Variants in CEP164 observed in about 807,000 individuals in gnomAD.
The protein encoded by CEP164 is centrosomal protein 164.
CEP164 carries 162 observed loss-of-function variants against 182.7 expected under a neutral mutation model. That is an observed-to-expected ratio of 0.89 (90% CI 0.78 to 1.01). The LOEUF is 1.01. Among genes scored for constraint, CEP164 ranks in the 50% least tolerant of loss-of-function variants. The pLI is 0.00. For synonymous variants in CEP164, 661 were observed against 690.0 expected, an observed-to-expected ratio of 0.96 and a Z score of 0.66; for missense variants, 1,735 against 1,790.4, an observed-to-expected ratio of 0.97 and a Z score of 0.56.
intron 12 of CEP164, 74 bp downstream of exon 12, chr11:117,380,779 T>G: frequency 7.1e-7 from 1 of 1,404,710 alleles, no homozygotes. Flanking sequence ...TTCTTGGCTT[T>G]GGTGGCCGGC....
intron 5 of CEP164, among the ~76,000 whole-genome samples, chr11:117,361,404 C>G (rs2040955055): frequency 2.0e-5 from 3 of 151,116 alleles, no homozygotes; most frequent in Non-Finnish European, 4.4e-5. Context: ...CCACGCCCGG[C>G]TAATTTTTGT....
intron 5 of CEP164, 46 bp from the exon 6 acceptor site, chr11:117,361,789 G>A: frequency 6.2e-7 from 1 of 1,609,474 alleles, no homozygotes. Context: ...CACTCCCAGA[G>A]CCACCTGGTT....
Position 117,397,249 on chromosome 11 carries a change from A to C in CEP164, c.3437A>C (p.Gln1146Pro), listed in dbSNP as rs759230987. Reference protein sequence around the residue: ...QHWRHELASAQEVAKDPPGIK... With the variant: ...QHWRHELASAPEVAKDPPGIK... Reference sequence around the variant, plus strand: ...TGGCGCCATGAGCTGGCCAGTGCGCAGGAGGTGGCCAAAGACCCACCAGGC... The same window carrying C: ...TGGCGCCATGAGCTGGCCAGTGCGCCGGAGGTGGCCAAAGACCCACCAGGC... The change falls in exon 27 of 33, where the codon CAG becomes CCG. Residue 1146 changes from glutamine to proline, a missense_variant. By Grantham distance (76) the Gln-to-Pro change is moderately conservative (BLOSUM62 -1). Transcript: ENST00000278935. 2.5e-6 allele frequency: 4 copies of C among 1,614,202 alleles called. No individual in the cohort carries two copies. The highest frequency in any genetic ancestry group is 2.7e-5 in the African/African-American group (2 of 75,074).
In CEP164 at chr11:117,397,118, C is replaced by G. The variant is rs1202671874; in HGVS notation, c.3306C>G (p.Leu1102=). Residue 1102 remains leucine (L), a synonymous_variant, in exon 27 of 33, where the codon CTC becomes CTG. Coordinates refer to ENST00000278935, the MANE Select transcript of CEP164 (RefSeq NM_014956.5). ...DSLSSHNVWH[L]LSAEGVALRS... is the part of the protein sequence containing the mutation. ...TGTCCTCCCACAATGTCTGGCACCT[C>G]CTCTCTGCTGAGGGGGTAGCCCTCC... 2 of 1,614,164 alleles carry G rather than the reference C, an allele frequency of 1.2e-6. No homozygotes were observed. Among genetic ancestry groups the G allele is most frequent in the Non-Finnish European group, 1.7e-6 (2 of 1,180,002 alleles).
chr11:117,330,447 G>A lies in CEP164; in HGVS notation c.-98+2543G>A, dbSNP rs780920215. ...GCGGGCGGATCACCTGAGGTCAGGAGTTCGAGACTTGGCCAACATGGTGAA... is the reference window on the plus strand; with the variant it reads ...GCGGGCGGATCACCTGAGGTCAGGAATTCGAGACTTGGCCAACATGGTGAA... On this transcript the variant is annotated intron_variant, in intron 1 of 32. Transcript: ENST00000278935. 4.6e-5 allele frequency among the ~76,000 whole-genome samples: 7 copies of A among 152,182 alleles called. No individual in the cohort carries two copies. The South Asian group carries it at 6.2e-4, about 13-fold the overall frequency.
intron 5 of CEP164, chr11:117,355,306 A>G (rs1402640112): frequency 3.1e-6 from 4 of 1,289,750 alleles, no homozygotes; most frequent in South Asian, 2.5e-5. Flanking sequence ...ATCCTGAAAC[A>G]GAAGAGCTGG....
intron 8 of CEP164, among the ~76,000 whole-genome samples, 166 bp downstream of exon 8, chr11:117,363,672 A>G (rs896896553): frequency 2.0e-5 from 3 of 151,226 alleles, no homozygotes; most frequent in Non-Finnish European, 4.4e-5. Context: ...GAATAAATGA[A>G]TGGATTCCTG....
chr11:117,377,174 G>C (rs936148408), intron 11 of CEP164, among the ~76,000 whole-genome samples: 1 of 105,824 alleles, frequency 9.4e-6, no homozygotes, highest in Non-Finnish European at 1.9e-5. Flanking sequence ...CAGTTTCTTG[G>C]AAGACAGTTT....
chr11:117,365,587 C>CT (rs1565496047), intron 8 of CEP164, among the ~76,000 whole-genome samples: 1 of 151,720 alleles, frequency 6.6e-6, no homozygotes, highest in Non-Finnish European at 1.5e-5. Flanking sequence ...TTCTTTCTTT[C>CT]TTTTTTTTAG....
At chr11:117,366,060 C>G (rs1400222306) in intron 8 of CEP164, among the ~76,000 whole-genome samples, 1 of 151,978 alleles carries the variant, frequency 6.6e-6, no homozygotes, top group African/African-American at 2.4e-5. Context: ...AGCATCCCCG[C>G]AGATTTAGTT....
At chr11:117,325,879 T>C (rs1004501509), upstream of CEP164, among the ~76,000 whole-genome samples, 5 of 151,022 alleles carry the variant, frequency 3.3e-5, no homozygotes, top group African/African-American at 9.7e-5. Flanking sequence ...GGTATACACA[T>C]GCCATAGAGG....
At chr11:117,401,143 T>A (rs1471812511) in intron 27 of CEP164, among the ~76,000 whole-genome samples, 1 of 152,236 alleles carries the variant, frequency 6.6e-6, no homozygotes, top group Non-Finnish European at 1.5e-5. Context: ...TAGCTCTTAT[T>A]ATTTTGAGAT....
rs2047444275 is a variant in CEP164, at chr11:117,412,309, G to C, written c.*141G>C. 3 of 658,048 alleles carry C rather than the reference G, an allele frequency of 4.6e-6. No individual in the cohort carries two copies. Among genetic ancestry groups the C allele is most frequent in the Non-Finnish European group, 7.7e-6 (3 of 388,214 alleles). The allele number at this position is 658,048 out of a possible 1,614,324, so 40.8% of individuals were successfully genotyped here. The stretch of plus-strand genomic sequence containing the variant: ...AGGAGCCACCAGGGACCAGGGGGTT[G>C]AGTGGAACAGTAAAGCCACACATTC... On this transcript the variant is annotated 3_prime_UTR_variant, in exon 33 of 33. Transcript: ENST00000278935.
intron 5 of CEP164, chr11:117,356,760 A>C (rs2040342873): frequency 1.2e-6 from 1 of 819,950 alleles, no homozygotes; most frequent in African/African-American, 1.9e-5. Context: ...AACTACCCAA[A>C]TGGCCATTTT....
At chr11:117,348,801 C>T (rs1452006154) in intron 4 of CEP164, among the ~76,000 whole-genome samples, 3 of 152,232 alleles carry the variant, frequency 2.0e-5, no homozygotes, top group African/African-American at 7.2e-5. Context: ...CCCATTTTCC[C>T]CTCTCCTTAA....
At chr11:117,344,379 C>G in intron 4 of CEP164, 102 bp downstream of exon 4, 1 of 758,070 alleles carries the variant, frequency 1.3e-6, no homozygotes, top group Non-Finnish European at 2.2e-6. Context: ...CAAGCCTATC[C>G]TGTACAGTCA....
chr11:117,344,553 G>C (rs2038612329), intron 4 of CEP164, among the ~76,000 whole-genome samples: 1 of 152,176 alleles, frequency 6.6e-6, no homozygotes, highest in Admixed American at 6.5e-5. Flanking sequence ...CATCTGTTTA[G>C]GATGTGCTGA....
upstream of CEP164, among the ~76,000 whole-genome samples, chr11:117,326,580 T>C (rs2035463158): frequency 6.6e-6 from 1 of 152,212 alleles, no homozygotes; most frequent in South Asian, 2.1e-4. Flanking sequence ...TCGATAGTTT[T>C]TGTTATCAGG....
chr11:117,365,705 G>C (rs2041557274), intron 8 of CEP164, among the ~76,000 whole-genome samples: 1 of 152,006 alleles, frequency 6.6e-6, no homozygotes, highest in African/African-American at 2.4e-5. Context: ...TTAGCCTCCT[G>C]AGTAGCTGGG....
Sources: gnomAD v4.1 joint callset for allele counts (sites outside exome capture counted in the v4.1 genomes callset) on GRCh38, gnomAD v4.1.1 for gene constraint, MANE v1.5 for transcripts, NCBI Gene and HGNC (gene_info 2026-07-23, HGNC 2026-07-21) for gene names.